The following CA5A variants were observed in gnomAD, a reference collection of about 807,000 sequenced individuals.
CA5A encodes the protein carbonic anhydrase 5A, mitochondrial.
Under a neutral mutation model 37.1 loss-of-function variants are expected in CA5A, and 28 were observed. The observed-to-expected ratio is 0.75, with a 90% confidence interval of 0.56 to 1.03. CA5A has a LOEUF of 1.03. Ranked by LOEUF, CA5A falls within the 50% of genes least tolerant of loss-of-function variation. The pLI is 0.00. For synonymous variants in CA5A, 171 were observed against 158.4 expected (o/e 1.08, Z -0.60); for missense variants, 444 against 399.9 (o/e 1.11, Z -0.94).
downstream of CA5A, chr16:87,884,539 C>T (rs1329848669): frequency 6.8e-6 from 1 of 148,052 alleles, no homozygotes; most frequent in East Asian, 1.9e-4. Flanking sequence ...TGCACTCCAG[C>T]CTAGGCGACA....
chr16:87,915,325 C>T (rs186184255), intron 2 of CA5A, among the ~76,000 whole-genome samples: 204 of 152,102 alleles, frequency 1.3e-3, no homozygotes, highest in Non-Finnish European at 2.2e-3. Flanking sequence ...CCAAAGGAAA[C>T]TTTATATTGA....
downstream of CA5A, chr16:87,885,822 A>T (rs1223850667): frequency 6.6e-6 from 1 of 151,860 alleles, no homozygotes; most frequent in East Asian, 1.9e-4. Context: ...AGACCTCCCC[A>T]CCCAGCCATG....
intron 6 of CA5A, among the ~76,000 whole-genome samples, chr16:87,888,838 C>T (rs565875512): frequency 3.9e-5 from 6 of 152,270 alleles, no homozygotes; most frequent in African/African-American, 1.2e-4. Flanking sequence ...CTGCAACCTC[C>T]GCCTCCCAGG....
chr16:87,902,870 C>T (rs1029922802), intron 3 of CA5A, among the ~76,000 whole-genome samples: 2 of 151,338 alleles, frequency 1.3e-5, no homozygotes, highest in African/African-American at 4.9e-5. Flanking sequence ...TGAGATTGTG[C>T]CACTGCACTC....
rs532870238 is a variant in CA5A at position 87,916,998 on chromosome 16, G to A, written c.340+9750C>T. 1.8e-4 allele frequency among the ~76,000 whole-genome samples: 28 copies of A among 151,944 alleles called. No individual in the cohort carries two copies. In the East Asian group the frequency reaches 2.7e-3, roughly 15 times the overall value. On this transcript the variant is annotated intron_variant, in intron 2 of 6. Transcript: ENST00000649794. ...TAGGCGCCTGTAGTCCCAGTTACTC[G>A]GGAGGCTGAGGCAGGAGAATGGTGT...
chr16:87,885,314 A>G (rs2055640145), downstream of CA5A: 2 of 152,764 alleles, frequency 1.3e-5, no homozygotes, highest in Non-Finnish European at 2.9e-5. Context: ...CAATAAGAAA[A>G]CCACAGACAG....
chr16:87,892,556 A>AATAATAATAATAATAATAAT (rs1303452843), intron 5 of CA5A, among the ~76,000 whole-genome samples: 1 of 136,788 alleles, frequency 7.3e-6, no homozygotes, highest in Non-Finnish European at 1.6e-5. Flanking sequence ...TAATAATAAT[A>AATAATAATAATAATAATAAT]AATTAATTAA....
At chr16:87,925,191 T>G (rs931189529) in intron 2 of CA5A, among the ~76,000 whole-genome samples, 3 of 152,088 alleles carry the variant, frequency 2.0e-5, no homozygotes, top group African/African-American at 7.2e-5. Flanking sequence ...TGCGGCTGCT[T>G]TGGGGCCCCC....
At chr16:87,884,887 G>A (rs191090609), downstream of CA5A, 544 of 152,380 alleles carry the variant, frequency 3.6e-3, 3 homozygotes, top group Middle Eastern at 0.01. Flanking sequence ...ATCCAGACCC[G>A]ACTCAGTGAC....
At position 87,888,241 on chromosome 16, in the gene CA5A, G is replaced by A. The variant is rs771506074; in HGVS notation, c.806C>T (p.Ala269Val). ...LSAFRTLLFS[A>V]LGEEEKMMVN... ...CATCATCTTCTCCTCTTCACCAAGTGCAGAAAACAGGAGAGTACGAAATGC... is the reference window on the plus strand; with the variant it reads ...CATCATCTTCTCCTCTTCACCAAGTACAGAAAACAGGAGAGTACGAAATGC... The change falls in exon 7 of 7, where the codon GCA (alanine) becomes GTA (valine). Residue 269 changes from alanine (A) to valine (V), a missense_variant. Coordinates refer to ENST00000649794, the MANE Select transcript of CA5A (RefSeq NM_001739.2). The A allele has an allele frequency of 3.3e-5, 53 of 1,613,720 alleles. No homozygotes were observed. The highest frequency in any genetic ancestry group is 4.4e-5 in the Non-Finnish European group (52 of 1,179,798).
chr16:87,890,856 G>A (rs1379641586), intron 6 of CA5A, among the ~76,000 whole-genome samples: 3 of 151,952 alleles, frequency 2.0e-5, no homozygotes, highest in Admixed American at 6.6e-5. Context: ...GTGCAGTGGC[G>A]TGATCTCAGC....
At chr16:87,886,154 T>TTTG (rs2055646445), downstream of CA5A, 1 of 150,524 alleles carries the variant, frequency 6.6e-6, no homozygotes, top group South Asian at 2.1e-4. Flanking sequence ...TTTTTTTTTT[T>TTTG]TTTTTTTTTT....
rs759319025 is a variant in CA5A at position 87,911,929 on chromosome 16, A to G, written c.341-7025T>C. 1.3e-5 allele frequency among the ~76,000 whole-genome samples: 2 copies of G among 152,196 alleles called. No individual in the cohort carries two copies. Among genetic ancestry groups the G allele is most frequent in the African/African-American group, 4.8e-5 (2 of 41,438 alleles). On this transcript the variant is annotated intron_variant, in intron 2 of 6. Coordinates refer to ENST00000649794, the MANE Select transcript of CA5A (RefSeq NM_001739.2). This position sits in a 1 kb window ranked among gnomAD's most constrained non-coding sequence, Gnocchi z 4.6. The stretch of plus-strand genomic sequence containing the variant: ...GATGCTTACAAAGTACCTCCCTCAC[A>G]GTCCCTGGCACGCAGTGAGAGCTCA...
intron 2 of CA5A, among the ~76,000 whole-genome samples, chr16:87,908,903 C>T (rs1308714347): frequency 1.3e-5 from 2 of 152,126 alleles, no homozygotes; most frequent in African/African-American, 2.4e-5. Context: ...GCAACCTCCA[C>T]CTCCCGGGTT....
chr16:87,894,975 C>A (rs574454072), intron 5 of CA5A, among the ~76,000 whole-genome samples: 255 of 152,256 alleles, frequency 1.7e-3, no homozygotes, highest in Middle Eastern at 0.01. Flanking sequence ...CCTGGTTGGG[C>A]GCAATGGATC....
intron 3 of CA5A, among the ~76,000 whole-genome samples, chr16:87,903,038 G>T (rs181204348): frequency 1.4e-5 from 2 of 138,532 alleles, no homozygotes; most frequent in Admixed American, 1.5e-4. Flanking sequence ...CTTCCTGGTG[G>T]GGGGGGAAAG....
At chr16:87,921,427 C>T (rs1426147709) in intron 2 of CA5A, among the ~76,000 whole-genome samples, 4 of 152,316 alleles carry the variant, frequency 2.6e-5, no homozygotes, top group East Asian at 3.9e-4. Context: ...TCAGGAGGGC[C>T]CTCACCTGCT....
rs1423288774 is a variant in CA5A at position 87,911,526 on chromosome 16, T to C, written c.341-6622A>G. On this transcript the variant is annotated intron_variant, in intron 2 of 6. Coordinates refer to ENST00000649794, the MANE Select transcript of CA5A (RefSeq NM_001739.2). The surrounding 1 kb of genome is among the most constrained non-coding windows in gnomAD (Gnocchi z 4.6). ...TGAGATGTTCTAATTACTGGAAATT[T>C]CAAATAACATGATGCTGCAAAGGAC... Among the ~76,000 whole-genome samples, 1 of 152,186 alleles carries C rather than the reference T, an allele frequency of 6.6e-6. No homozygotes were observed. The highest frequency in any genetic ancestry group is 1.5e-5 in the Non-Finnish European group (1 of 68,044).
At chr16:87,929,318 G>A (rs1383570866) in intron 1 of CA5A, among the ~76,000 whole-genome samples, 1 of 151,378 alleles carries the variant, frequency 6.6e-6, no homozygotes, top group East Asian at 2.0e-4. Context: ...CAGGCGTGGT[G>A]GCTCATGCCT....
Sources: gnomAD v4.1 joint callset for allele counts (sites outside exome capture counted in the v4.1 genomes callset) on GRCh38, gnomAD v4.1.1 for gene constraint, Gnocchi (gnomAD v3.1) non-coding constraint, MANE v1.5 for transcripts, NCBI Gene and HGNC (gene_info 2026-07-23, HGNC 2026-07-21) for gene names.